Variants in SLAMF9 observed in about 807,000 individuals in gnomAD.
SLAMF9 encodes the protein SLAM family member 9, also known as CD2 family member 10.
A neutral mutation model predicts 30.4 loss-of-function variants in SLAMF9; 25 were observed. The ratio of observed to expected loss-of-function variants is 0.82; its 90% CI spans 0.60 to 1.15. The LOEUF (loss-of-function observed/expected upper bound fraction) is 1.15, where lower values mean the gene tolerates loss of function less well. Among genes scored for constraint, SLAMF9 ranks in the 50% most tolerant of loss-of-function variants. SLAMF9 has a pLI of 0.00. For missense variants in SLAMF9, 344 were observed against 346.1 expected (o/e 0.99, Z 0.05); for synonymous variants, 129 against 127.2 (o/e 1.01, Z -0.09).
intron 1 of SLAMF9, 92 bp downstream of exon 1, chr1:159,954,000 C>T: frequency 6.6e-7 from 1 of 1,517,388 alleles, no homozygotes; most frequent in Non-Finnish European, 9.1e-7. Flanking sequence ...CATTCAACCC[C>T]TAAGAAAGGG....
chr1:159,960,050 A>G, the SLAMF9 span, among the ~76,000 whole-genome samples: 1 of 151,868 alleles, frequency 6.6e-6, no homozygotes, highest in Admixed American at 6.6e-5. Context: ...GTTCTAGAGT[A>G]CATGTGCACA....
At chr1:159,979,561 T>G in the SLAMF9 span, among the ~76,000 whole-genome samples, 1 of 151,980 alleles carries the variant, frequency 6.6e-6, no homozygotes, top group Non-Finnish European at 1.5e-5. Context: ...TAGTTAAAAG[T>G]CAAGGTACGG....
the SLAMF9 span, chr1:159,973,743 A>T: frequency 6.6e-7 from 1 of 1,524,082 alleles, no homozygotes; most frequent in Middle Eastern, 1.7e-4. Context: ...ATCTCTAGAG[A>T]CGGGACCCCT....
chr1:159,952,580 G>T (rs766829671), intron 2 of SLAMF9, 46 bp from the exon 3 acceptor site: 128 of 1,590,422 alleles, frequency 8.0e-5, no homozygotes, highest in Non-Finnish European at 1.0e-4. Context: ...ATCAGGGATC[G>T]GGTCTGTTTT....
the SLAMF9 span, among the ~76,000 whole-genome samples, chr1:159,970,980 T>C: frequency 1.3e-5 from 2 of 152,196 alleles, no homozygotes; most frequent in African/African-American, 4.8e-5. Flanking sequence ...CAAGGTACTC[T>C]TCTGGCATCA....
At chr1:159,982,755 G>C in the SLAMF9 span, among the ~76,000 whole-genome samples, 3 of 152,232 alleles carry the variant, frequency 2.0e-5, no homozygotes, top group Non-Finnish European at 4.4e-5. Context: ...ACATGGCTGG[G>C]CGCGGTGGCT....
chr1:159,972,883 G>T, the SLAMF9 span: 2 of 995,796 alleles, frequency 2.0e-6, no homozygotes, highest in East Asian at 3.0e-5. Flanking sequence ...GACCACCCAA[G>T]ACCCTGGCTC....
At chr1:159,958,161 C>T (rs571510690), upstream of SLAMF9, among the ~76,000 whole-genome samples, 13 of 152,260 alleles carry the variant, frequency 8.5e-5, no homozygotes, top group East Asian at 2.3e-3. Context: ...CTGGGGCTGC[C>T]GGGAACAGCG....
chr1:159,952,216 G>A (rs545158559), intron 3 of SLAMF9, 46 bp downstream of exon 3: 87 of 1,604,786 alleles, frequency 5.4e-5, no homozygotes, highest in Non-Finnish European at 7.2e-5. Flanking sequence ...GTGCCTCTAG[G>A]CACTATCTTT....
At chr1:159,973,009 C>G in the SLAMF9 span, 19 of 1,413,912 alleles carry the variant, frequency 1.3e-5, no homozygotes, top group Non-Finnish European at 1.7e-5. Flanking sequence ...TGCACTCTGA[C>G]CTCCAGCTGG....
the SLAMF9 span, among the ~76,000 whole-genome samples, chr1:159,976,086 A>AGTGTGTGTGT: frequency 1.2e-4 from 18 of 148,382 alleles, no homozygotes; most frequent in African/African-American, 4.2e-4. Flanking sequence ...TATAGGTTGT[A>AGTGTGTGTGT]GTGTGTGTGT....
chr1:159,982,694 G>A, the SLAMF9 span, among the ~76,000 whole-genome samples: 1 of 152,214 alleles, frequency 6.6e-6, no homozygotes, highest in Non-Finnish European at 1.5e-5. Context: ...TGTTAAGTAT[G>A]TCTATATGGG....
chr1:159,967,265 TC>T, the SLAMF9 span, among the ~76,000 whole-genome samples: 1 of 152,204 alleles, frequency 6.6e-6, no homozygotes. Flanking sequence ...ATTTGTTATT[TC>T]TCCTAATGCT....
chr1:159,978,982 G>A, the SLAMF9 span: 2 of 152,204 alleles, frequency 1.3e-5, no homozygotes, highest in Non-Finnish European at 2.9e-5. Flanking sequence ...TTTTTGGTTT[G>A]AGGGCATAGG....
chr1:159,957,140 C>CAAAAA (rs143801500), upstream of SLAMF9, among the ~76,000 whole-genome samples: 8 of 104,778 alleles, frequency 7.6e-5, no homozygotes, highest in African/African-American at 2.6e-4. Flanking sequence ...AAAAAAAAGA[C>CAAAAA]AAAAAAAAAA....
At chr1:159,963,583 T>C in the SLAMF9 span, among the ~76,000 whole-genome samples, 1 of 152,178 alleles carries the variant, frequency 6.6e-6, no homozygotes, top group African/African-American at 2.4e-5. Flanking sequence ...CTCAGATTGG[T>C]TCATGCACAT....
the SLAMF9 span, among the ~76,000 whole-genome samples, chr1:159,970,338 GA>G: frequency 3.7e-4 from 56 of 152,316 alleles, no homozygotes; most frequent in African/African-American, 1.3e-3. Context: ...CTGTGTCAAA[GA>G]GTGTTATAAA....
chr1:159,979,978 G>T, the SLAMF9 span, among the ~76,000 whole-genome samples: 3 of 152,194 alleles, frequency 2.0e-5, no homozygotes, highest in South Asian at 6.2e-4. Context: ...GGAAACTTTG[G>T]GTGGTGAGGT....
Position 159,953,449 on chromosome 1 carries a change from C to T in SLAMF9, c.251G>A (p.Gly84Asp), listed in dbSNP as rs1288252419. The change falls in exon 2 of 4, where the codon GGC becomes GAC. Residue 84 changes from glycine to aspartate, a missense_variant. Coordinates refer to ENST00000368093, the MANE Select transcript of SLAMF9 (RefSeq NM_033438.4). ...TIMVTNPHYQ[G>D]QVSFLDPSYS... The stretch of plus-strand genomic sequence containing the variant: ...GCTGGGGTCCAGGAAGCTCACTTGG[C>T]CCTGGTAGTGTGGATTGGTCACCAT... 6.2e-7 allele frequency: 1 copy of T among 1,614,204 alleles called. No individual in the cohort carries two copies. The highest frequency in any genetic ancestry group is 1.1e-5 in the South Asian group (1 of 91,088).
Sources: gnomAD v4.1 joint callset for allele counts (sites outside exome capture counted in the v4.1 genomes callset) on GRCh38, gnomAD v4.1.1 for gene constraint, MANE v1.5 for transcripts, NCBI Gene and HGNC (gene_info 2026-07-23, HGNC 2026-07-21) for gene names.